Variants in SPN observed in about 807,000 individuals in gnomAD.
SPN encodes the protein leukosialin.
SPN carries 6 observed loss-of-function variants against 8.4 expected under a neutral mutation model. The observed-to-expected ratio is 0.72, with a 90% CI of 0.39 to 1.42. The LOEUF (loss-of-function observed/expected upper bound fraction) is 1.42. Among genes scored for constraint, SPN ranks in the 40% most tolerant of loss-of-function variants. The pLI is 0.02. For synonymous variants in SPN, 201 were observed against 222.6 expected (o/e 0.90, Z 0.86); for missense variants, 517 against 530.6 (o/e 0.97, Z 0.25).
In SPN at chr16:29,664,265, C is replaced by A; in HGVS notation, c.537C>A (p.Ser179=). 1 of 1,613,920 alleles carries A rather than the reference C, an allele frequency of 6.2e-7. No individual in the cohort carries two copies. The highest frequency in any genetic ancestry group is 8.5e-7 in the Non-Finnish European group (1 of 1,179,938). ...LTMATVSLET[S]KGTSGPPVTM... is the part of the protein sequence containing the mutation. ...TGGCAACTGTCTCTCTGGAGACTTC[C>A]AAAGGCACCTCTGGACCCCCTGTTA... The change falls in exon 2 of 2, where the codon TCC becomes TCA. Residue 179 remains serine, a synonymous_variant. Transcript: ENST00000652691. The surrounding 1 kb of genome is among the most constrained non-coding windows in gnomAD (Gnocchi z 6.4).
rs12932957 is a variant in SPN, at chr16:29,668,935, T to G, written c.*4004T>G. On this transcript the variant is annotated 3_prime_UTR_variant, in exon 2 of 2. Transcript: ENST00000652691. ...GGCAGAGCAGGGAGGATTGCTTGAGTCTAGGAGTTCAAGACCAGCCTGGGT... is the reference window on the plus strand; with the variant it reads ...GGCAGAGCAGGGAGGATTGCTTGAGGCTAGGAGTTCAAGACCAGCCTGGGT... 0.71 allele frequency: 117,491 copies of G among 165,970 alleles called. 42,238 individuals are homozygous for G. The highest frequency in any genetic ancestry group is 0.98 in the East Asian group (4,995 of 5,116). The allele number at this position is 165,970 out of a possible 1,614,324, so 10.3% of individuals were successfully genotyped here.
chr16:29,664,795 T>A lies in SPN; in HGVS notation c.1067T>A (p.Leu356Gln). ...AGACGGAAGTCTCGCCAGGGCTCCC[T>A]GGCGATGGAGGAGCTGAAGTCTGGG... ...FGRRKSRQGS[L>Q]AMEELKSGSG... The change falls in exon 2 of 2, where the codon CTG (leucine) becomes CAG (glutamine). Residue 356 changes from leucine to glutamine, a missense_variant. Leu to Gln is a moderately radical substitution (Grantham distance 113). Coordinates refer to ENST00000652691, the MANE Select transcript of SPN (RefSeq NM_003123.6). This position sits in a 1 kb window ranked among gnomAD's most constrained non-coding sequence, Gnocchi z 6.4. The A allele has an allele frequency of 6.7e-7, 1 of 1,503,030 alleles. No individual in the cohort carries two copies. The highest frequency in any genetic ancestry group is 8.9e-7 in the Non-Finnish European group (1 of 1,129,204). 93.1% of individuals were successfully genotyped at this position (1,503,030 alleles called of 1,614,324 possible).
In SPN at chr16:29,665,056, CCTT is replaced by C. The variant is rs928825039; in HGVS notation, c.*126_*128del. On this transcript the variant is annotated 3_prime_UTR_variant, in exon 2 of 2. Transcript: ENST00000652691. ...GGCACCCTGATCCTCACCCGAATCT[CCTT>C]TTTTTTTTTCTTTTGAGACAGAGTT... The C allele has an allele frequency of 4.4e-6, 5 of 1,127,700 alleles. No homozygotes were observed. Among genetic ancestry groups the C allele is most frequent in the Non-Finnish European group, 5.7e-6 (5 of 878,862 alleles). 69.9% of individuals were successfully genotyped at this position (1,127,700 alleles called of 1,614,324 possible). A position where few individuals can be genotyped will look rare whatever the true frequency, so the allele number is the denominator to read the frequency against.
rs34539498 is a variant in SPN, at chr16:29,668,605, ATT to A, written c.*3684_*3685del. 23 of 158,922 alleles carry A rather than the reference ATT, an allele frequency of 1.4e-4. No homozygotes were observed. The highest frequency in any genetic ancestry group is 1.0e-4 in the Non-Finnish European group (7 of 67,628). 9.8% of individuals were successfully genotyped at this position (158,922 alleles called of 1,614,324 possible). A position where few individuals can be genotyped will look rare whatever the true frequency, so the allele number is the denominator to read the frequency against. On this transcript the variant is annotated 3_prime_UTR_variant, in exon 2 of 2. Coordinates refer to ENST00000652691, the MANE Select transcript of SPN (RefSeq NM_003123.6). Reference sequence around the variant, plus strand: ...AGGTGTGCACCAACATGCCCAGCTAATTTTTTTTTTTAATTTTTAATTTGTAC... The same window carrying A: ...AGGTGTGCACCAACATGCCCAGCTAATTTTTTTTTAATTTTTAATTTGTAC...
rs555840154 is a variant in SPN at position 29,667,031 on chromosome 16, G to C, written c.*2100G>C. The C allele has an allele frequency of 2.8e-5, 13 of 470,858 alleles. No individual in the cohort carries two copies. The highest frequency in any genetic ancestry group is 3.3e-4 in the Middle Eastern group (1 of 3,076). 29.2% of individuals were successfully genotyped at this position (470,858 alleles called of 1,614,324 possible). A position where few individuals can be genotyped will look rare whatever the true frequency, so the allele number is the denominator to read the frequency against. ...GGAGATGGGGGAAAGGGTCAGGTGG[G>C]GGATGGGCTCGTGCAGTGGGAGAGG... On this transcript the variant is annotated 3_prime_UTR_variant, in exon 2 of 2. Coordinates refer to ENST00000652691, the MANE Select transcript of SPN (RefSeq NM_003123.6).
Position 29,670,746 on chromosome 16 carries a change from C to A in SPN, c.*5815C>A, listed in dbSNP as rs1377789557. The A allele has an allele frequency of 1.5e-5, 7 of 455,782 alleles. No individual in the cohort carries two copies. Among genetic ancestry groups the A allele is most frequent in the South Asian group, 1.1e-4 (7 of 64,550 alleles). 28.2% of individuals were successfully genotyped at this position (455,782 alleles called of 1,614,324 possible). On this transcript the variant is annotated 3_prime_UTR_variant, in exon 2 of 2. Transcript: ENST00000652691. ...TATGCACTTATAGGGAAACAAAGGA[C>A]CCATCGCAAATGTTTTCCATGCTGA...
Position 29,666,552 on chromosome 16 carries a change from A to ACACGCGCGCGCGCGCGCGCGCG in SPN, c.*1622_*1623insACGCGCGCGCGCGCGCGCGCGC, listed in dbSNP as rs139174583. ...CACACACACACACACACACACACACACGCGCGCGCGCGCGCGCTCTCCTGC... is the reference window on the plus strand; with the variant it reads ...CACACACACACACACACACACACACACACGCGCGCGCGCGCGCGCGCGCGCGCGCGCGCGCGCGCTCTCCTGC... On this transcript the variant is annotated 3_prime_UTR_variant, in exon 2 of 2. Transcript: ENST00000652691. 1 of 141,258 alleles carries ACACGCGCGCGCGCGCGCGCGCG rather than the reference A, an allele frequency of 7.1e-6. No individual in the cohort carries two copies. 8.8% of individuals were successfully genotyped at this position (141,258 alleles called of 1,614,324 possible).
rs543325850 is a variant in SPN, at chr16:29,665,885, C to T, written c.*954C>T. ...CATGGACTGTAGGCTGGCCCTGGCC[C>T]ACACCACCACACTCTCCCCAGCCAT... is the stretch of plus-strand genomic sequence containing the variant. On this transcript the variant is annotated 3_prime_UTR_variant, in exon 2 of 2. Transcript: ENST00000652691. 1 of 167,242 alleles carries T rather than the reference C, an allele frequency of 6.0e-6. No individual in the cohort carries two copies. Among genetic ancestry groups the T allele is most frequent in the South Asian group, 2.1e-4 (1 of 4,826 alleles). The allele number at this position is 167,242 out of a possible 1,614,324, so 10.4% of individuals were successfully genotyped here.
At position 29,666,552 on chromosome 16, in the gene SPN, A is replaced by ACACACACACGCGCGCGCGCGCGCG. The variant is rs139174583; in HGVS notation, c.*1622_*1623insACACACACGCGCGCGCGCGCGCGC. On this transcript the variant is annotated 3_prime_UTR_variant, in exon 2 of 2. Coordinates refer to ENST00000652691, the MANE Select transcript of SPN (RefSeq NM_003123.6). The stretch of plus-strand genomic sequence containing the variant: ...CACACACACACACACACACACACAC[A>ACACACACACGCGCGCGCGCGCGCG]CGCGCGCGCGCGCGCGCTCTCCTGC... 7.1e-6 allele frequency: 1 copy of ACACACACACGCGCGCGCGCGCGCG among 141,310 alleles called. No individual in the cohort carries two copies. The highest frequency in any genetic ancestry group is 1.4e-5 in the Non-Finnish European group (1 of 70,704). The allele number at this position is 141,310 out of a possible 1,614,324, so 8.8% of individuals were successfully genotyped here.
chr16:29,667,074 G>A lies in SPN; in HGVS notation c.*2143G>A, dbSNP rs79850572. On this transcript the variant is annotated 3_prime_UTR_variant, in exon 2 of 2. Transcript: ENST00000652691. The stretch of plus-strand genomic sequence containing the variant: ...GGGAGAGGAGACGGAGGGAGGGAGC[G>A]GGAAGGGGCTTGCTTAGTGGGTGGG... 0.02 allele frequency: 9,201 copies of A among 467,746 alleles called. 234 individuals are homozygous for A. Among genetic ancestry groups the A allele is most frequent in the African/African-American group, 0.062 (3,098 of 50,096 alleles). 29.0% of individuals were successfully genotyped at this position (467,746 alleles called of 1,614,324 possible).
At position 29,664,139 on chromosome 16, in the gene SPN, G is replaced by A. The variant is rs548440370; in HGVS notation, c.411G>A (p.Thr137=). Reference sequence around the variant, plus strand: ...CCGTGACAGGTGGAACCATAACAACGAACTCTCCAGAAACCTCCAGTAGGA... The same window carrying A: ...CCGTGACAGGTGGAACCATAACAACAAACTCTCCAGAAACCTCCAGTAGGA... ...SHTVTGGTIT[T]NSPETSSRTS... Residue 137 remains threonine (T), a synonymous_variant, in exon 2 of 2, where the codon ACG becomes ACA. Transcript: ENST00000652691. The surrounding 1 kb of genome is among the most constrained non-coding windows in gnomAD (Gnocchi z 6.4). The A allele has an allele frequency of 5.0e-6, 8 of 1,613,914 alleles. No homozygotes were observed. In the South Asian group the frequency reaches 5.5e-5, roughly 11 times the overall value.
In SPN at chr16:29,669,387, G is replaced by C. The variant is rs1966842485; in HGVS notation, c.*4456G>C. On this transcript the variant is annotated 3_prime_UTR_variant, in exon 2 of 2. Transcript: ENST00000652691. ...CGGATAATTTTGTATTTTTAGTAGA[G>C]ATGGGGTTTCACCATGTTGGTCAAG... The C allele has an allele frequency of 1.2e-5, 2 of 162,900 alleles. No individual in the cohort carries two copies. The highest frequency in any genetic ancestry group is 4.9e-5 in the African/African-American group (2 of 41,208). 10.1% of individuals were successfully genotyped at this position (162,900 alleles called of 1,614,324 possible).
At position 29,664,192 on chromosome 16, in the gene SPN, C is replaced by T. The variant is rs371854802; in HGVS notation, c.464C>T (p.Ala155Val). The change falls in exon 2 of 2, where the codon GCT (alanine) becomes GTT (valine). Residue 155 changes from alanine (A) to valine (V), a missense_variant. Ala to Val is a moderately conservative substitution (Grantham distance 64, BLOSUM62 0). Transcript: ENST00000652691. The surrounding 1 kb of genome is among the most constrained non-coding windows in gnomAD (Gnocchi z 6.4). ...AGTGGAGCCCCTGTTACCACGGCAG[C>T]TAGCTCTCTGGAGACCTCCAGAGGC... ...RTSGAPVTTAASSLETSRGTS... is the reference protein window; with the variant it reads ...RTSGAPVTTAVSSLETSRGTS... 1.2e-6 allele frequency: 2 copies of T among 1,613,860 alleles called. No homozygotes were observed. The highest frequency in any genetic ancestry group is 2.7e-5 in the African/African-American group (2 of 74,882).
Position 29,666,552 on chromosome 16 carries a change from A to ACGCG in SPN, c.*1635_*1638dup, listed in dbSNP as rs1555490176. On this transcript the variant is annotated 3_prime_UTR_variant, in exon 2 of 2. Transcript: ENST00000652691. ...CACACACACACACACACACACACACACGCGCGCGCGCGCGCGCTCTCCTGC... is the reference window on the plus strand; with the variant it reads ...CACACACACACACACACACACACACACGCGCGCGCGCGCGCGCGCGCTCTCCTGC... 0.12 allele frequency: 17,999 copies of ACGCG among 146,522 alleles called. 1,345 individuals are homozygous for ACGCG. The highest frequency in any genetic ancestry group is 0.16 in the Non-Finnish European group (11,437 of 72,628). 9.1% of individuals were successfully genotyped at this position (146,522 alleles called of 1,614,324 possible).
rs1457707591 is a variant in SPN at position 29,664,382 on chromosome 16, C to T, written c.654C>T (p.Ala218=). The change falls in exon 2 of 2, where the codon GCC becomes GCT. Residue 218 remains alanine (A), a synonymous_variant. Coordinates refer to ENST00000652691, the MANE Select transcript of SPN (RefSeq NM_003123.6). This position sits in a 1 kb window ranked among gnomAD's most constrained non-coding sequence, Gnocchi z 6.4. ...GCTCTCTGGAGCCCTCCAGCGGGGC[C>T]AGTGGACCCCAGGTCTCTAGCGTAA... ...TTGSLEPSSG[A]SGPQVSSVKL... is the part of the protein sequence containing the mutation. The T allele has an allele frequency of 4.3e-6, 7 of 1,614,200 alleles. No homozygotes were observed. The South Asian group carries it at 7.7e-5, about 18-fold the overall frequency.
In SPN at chr16:29,664,481, C is replaced by T. The variant is rs762105677; in HGVS notation, c.753C>T (p.Asn251=). ...STVPFRNPDE[N]SRGMLPVAVL... ...TGCCCTTCCGGAACCCAGATGAGAACTCACGAGGCATGCTGCCAGTGGCTG... is the reference window on the plus strand; with the variant it reads ...TGCCCTTCCGGAACCCAGATGAGAATTCACGAGGCATGCTGCCAGTGGCTG... The change falls in exon 2 of 2, where the codon AAC becomes AAT. Residue 251 remains asparagine, a synonymous_variant. Coordinates refer to ENST00000652691, the MANE Select transcript of SPN (RefSeq NM_003123.6). This position sits in a 1 kb window ranked among gnomAD's most constrained non-coding sequence, Gnocchi z 6.4. The T allele has an allele frequency of 9.9e-6, 16 of 1,614,156 alleles. No individual in the cohort carries two copies. In the African/African-American group the frequency reaches 1.7e-4, roughly 17 times the overall value.
chr16:29,663,958 T>C lies in SPN; in HGVS notation c.230T>C (p.Leu77Pro), dbSNP rs1380454210. The change falls in exon 2 of 2, where the codon CTT (leucine) becomes CCT (proline). Residue 77 changes from leucine to proline, a missense_variant. Physicochemically the swap from Leu to Pro is moderately conservative, Grantham distance 98 (BLOSUM62 -3). Transcript: ENST00000652691. This position sits in a 1 kb window ranked among gnomAD's most constrained non-coding sequence, Gnocchi z 4.3. ...ACTTCCATCAATGAGGGATCCCCTC[T>C]TTGGACTTCCATTGGTGCCAGCACT... is the stretch of plus-strand genomic sequence containing the variant. ...PSTSINEGSP[L>P]WTSIGASTGS... The C allele has an allele frequency of 6.2e-7, 1 of 1,614,002 alleles. No individual in the cohort carries two copies. The highest frequency in any genetic ancestry group is 8.5e-7 in the Non-Finnish European group (1 of 1,180,020).
rs1037093970 is a variant in SPN, at chr16:29,666,578, G to A, written c.*1647G>A. ...CGCGCGCGCGCGCGCGCTCTCCTGC[G>A]AACAGAGGCAGGGGGAGAGGGGTTT... is the stretch of plus-strand genomic sequence containing the variant. On this transcript the variant is annotated 3_prime_UTR_variant, in exon 2 of 2. Transcript: ENST00000652691. 8 of 229,430 alleles carry A rather than the reference G, an allele frequency of 3.5e-5. No homozygotes were observed. Among genetic ancestry groups the A allele is most frequent in the Middle Eastern group, 2.0e-3 (1 of 498 alleles). The allele number at this position is 229,430 out of a possible 1,614,324, so 14.2% of individuals were successfully genotyped here.
At position 29,665,043 on chromosome 16, in the gene SPN, C is replaced by A; in HGVS notation, c.*112C>A. The A allele has an allele frequency of 8.5e-7, 1 of 1,181,812 alleles. No homozygotes were observed. 73.2% of individuals were successfully genotyped at this position (1,181,812 alleles called of 1,614,324 possible). ...CATGTTTCCACCCGGCACCCTGATC[C>A]TCACCCGAATCTCCTTTTTTTTTTT... On this transcript the variant is annotated 3_prime_UTR_variant, in exon 2 of 2. Transcript: ENST00000652691.
Sources: allele counts gnomAD v4.1 joint callset, GRCh38; gene constraint gnomAD v4.1.1; non-coding constraint Gnocchi (gnomAD v3.1); transcripts MANE v1.5; gene names NCBI Gene and HGNC (gene_info 2026-07-23, HGNC 2026-07-21).